The following CNTNAP2 variants were observed in gnomAD, a reference collection of about 807,000 sequenced individuals.
The protein encoded by CNTNAP2 is contactin-associated protein-like 2.
CNTNAP2 carries 98 observed loss-of-function variants against 155.2 expected under a neutral mutation model. The observed-to-expected ratio is 0.63, with a 90% CI of 0.54 to 0.75. The LOEUF (loss-of-function observed/expected upper bound fraction) is 0.75, where lower values mean the gene tolerates loss of function less well. Among genes scored for constraint, CNTNAP2 ranks in the 30% least tolerant of loss-of-function variants. CNTNAP2 has a pLI of 0.00. For missense variants in CNTNAP2, 1,727 were observed against 1,688.1 expected, an observed-to-expected ratio of 1.02 and a Z score of -0.40; for synonymous variants, 651 against 631.2, an observed-to-expected ratio of 1.03 and a Z score of -0.47.
intron 9 of CNTNAP2, among the ~76,000 whole-genome samples, chr7:147,312,635 C>A (rs1186090699): frequency 2.7e-5 from 3 of 110,226 alleles, no homozygotes; most frequent in Non-Finnish European, 5.3e-5. Context: ...TGTATATGTG[C>A]CACATTTTCT....
intron 18 of CNTNAP2, among the ~76,000 whole-genome samples, chr7:148,198,160 C>A (rs1183019094): frequency 6.6e-6 from 1 of 152,150 alleles, no homozygotes; most frequent in Non-Finnish European, 1.5e-5. Flanking sequence ...CTGTAGCGAG[C>A]AAGGAGGCTG....
chr7:146,566,999 A>T (rs1476769214), intron 1 of CNTNAP2, among the ~76,000 whole-genome samples: 2 of 152,152 alleles, frequency 1.3e-5, no homozygotes, highest in African/African-American at 4.8e-5. Context: ...ACTGACTAGA[A>T]CTACACAGGA....
chr7:148,279,455 C>T (rs950385840), intron 21 of CNTNAP2, among the ~76,000 whole-genome samples: 11 of 152,210 alleles, frequency 7.2e-5, no homozygotes, highest in African/African-American at 2.7e-4. Context: ...GCCTGAATAG[C>T]TGGCCCAGTG....
intron 1 of CNTNAP2, among the ~76,000 whole-genome samples, chr7:146,270,798 C>A (rs1261274407): frequency 6.6e-6 from 1 of 152,016 alleles, no homozygotes; most frequent in Non-Finnish European, 1.5e-5. Flanking sequence ...CGATAAAAAG[C>A]ACACTGTTTC....
intron 22 of CNTNAP2, among the ~76,000 whole-genome samples, chr7:148,408,054 G>T (rs1406273322): frequency 2.6e-5 from 4 of 152,128 alleles, no homozygotes; most frequent in Non-Finnish European, 5.9e-5. Flanking sequence ...AGACCAGGCT[G>T]GCTAACATGG....
chr7:146,185,207 G>C (rs1293644840), intron 1 of CNTNAP2, among the ~76,000 whole-genome samples: 1 of 151,980 alleles, frequency 6.6e-6, no homozygotes, highest in African/African-American at 2.4e-5. Context: ...TGTAAAGATT[G>C]TAAGAAAGAA....
chr7:146,804,216 T>C (rs1802928867), intron 2 of CNTNAP2, among the ~76,000 whole-genome samples: 1 of 152,178 alleles, frequency 6.6e-6, no homozygotes, highest in Non-Finnish European at 1.5e-5. Flanking sequence ...AATCATATGA[T>C]TGTGTTTTTA....
chr7:147,632,713 G>A (rs1261942294), intron 12 of CNTNAP2, among the ~76,000 whole-genome samples: 2 of 152,200 alleles, frequency 1.3e-5, no homozygotes, highest in Non-Finnish European at 2.9e-5. Flanking sequence ...AAGCAACTTT[G>A]GAACTGGGTA....
intron 1 of CNTNAP2, among the ~76,000 whole-genome samples, chr7:146,628,612 A>C (rs1799459537): frequency 6.6e-6 from 1 of 152,150 alleles, no homozygotes; most frequent in Non-Finnish European, 1.5e-5. Context: ...ATACAATTTT[A>C]TGTCAATTTT....
chr7:147,463,636 A>G (rs1798063060), intron 10 of CNTNAP2, among the ~76,000 whole-genome samples: 1 of 152,202 alleles, frequency 6.6e-6, no homozygotes, highest in Admixed American at 6.5e-5. Flanking sequence ...CTCCAGTAAC[A>G]TAGATCTCTT....
In CNTNAP2 at chr7:146,550,414, T is replaced by TTTTTTTTG. The variant is rs1563130828; in HGVS notation, c.98-223850_98-223849insGTTTTTTT. Among the ~76,000 whole-genome samples, 7 of 124,768 alleles carry TTTTTTTTG rather than the reference T, an allele frequency of 5.6e-5. 1 individual carries two copies. The highest frequency in any genetic ancestry group is 1.1e-4 in the Non-Finnish European group (6 of 56,102). 81.9% of individuals were successfully genotyped at this position (124,768 alleles called of 152,430 possible). ...GTCCATTAATCTGTTTTTTTTTTTTTTTTTTTTTTTTTTTTATAAAGTACC... is the reference window on the plus strand; with the variant it reads ...GTCCATTAATCTGTTTTTTTTTTTTTTTTTTTTGTTTTTTTTTTTTTTTATAAAGTACC... On this transcript the variant is annotated intron_variant, in intron 1 of 23. Transcript: ENST00000361727.
chr7:146,418,184 A>G (rs748842170), intron 1 of CNTNAP2, among the ~76,000 whole-genome samples: 1 of 152,188 alleles, frequency 6.6e-6, no homozygotes, highest in Non-Finnish European at 1.5e-5. Context: ...CACAGTTTTC[A>G]GCTAGGGGCC....
chr7:146,702,338 T>C (rs1258908444), intron 1 of CNTNAP2, among the ~76,000 whole-genome samples: 1 of 152,160 alleles, frequency 6.6e-6, no homozygotes. Flanking sequence ...GGGCAGAGAA[T>C]TGTGAAATTA....
intron 1 of CNTNAP2, among the ~76,000 whole-genome samples, chr7:146,307,918 C>A (rs1381907502): frequency 6.6e-6 from 1 of 152,100 alleles, no homozygotes; most frequent in Non-Finnish European, 1.5e-5. Flanking sequence ...TAGGCATGGG[C>A]AAGGACTTCA....
chr7:147,736,161 G>T (rs1796839577), intron 13 of CNTNAP2, among the ~76,000 whole-genome samples: 1 of 151,892 alleles, frequency 6.6e-6, no homozygotes, highest in African/African-American at 2.4e-5. Context: ...GGCTGTTACT[G>T]GTTGTTCCTT....
At chr7:147,294,753 G>A (rs1805396698) in intron 8 of CNTNAP2, among the ~76,000 whole-genome samples, 1 of 152,034 alleles carries the variant, frequency 6.6e-6, no homozygotes, top group Admixed American at 6.6e-5. Flanking sequence ...CCACATCCCG[G>A]GTTCAAGCAA....
chr7:146,732,728 C>T (rs1801547160), intron 1 of CNTNAP2, among the ~76,000 whole-genome samples: 2 of 152,056 alleles, frequency 1.3e-5, no homozygotes, highest in South Asian at 2.1e-4. Flanking sequence ...AATCCAAAAT[C>T]GGATGCTTCA....
chr7:147,383,203 T>C (rs1053380625), intron 9 of CNTNAP2, among the ~76,000 whole-genome samples: 1 of 152,198 alleles, frequency 6.6e-6, no homozygotes, highest in Non-Finnish European at 1.5e-5. Context: ...CTCCTGGCTC[T>C]GTATCCGCCT....
chr7:147,403,240 G>T (rs1391818706), intron 10 of CNTNAP2, among the ~76,000 whole-genome samples: 1 of 152,080 alleles, frequency 6.6e-6, no homozygotes, highest in Non-Finnish European at 1.5e-5. Context: ...TCACCTGGGA[G>T]CCCCTGCTTT....
Sources: allele counts gnomAD v4.1 joint callset (sites outside exome capture counted in the v4.1 genomes callset), GRCh38; gene constraint gnomAD v4.1.1; transcripts MANE v1.5; gene names NCBI Gene and HGNC (gene_info 2026-07-23, HGNC 2026-07-21).